The following PTPRN2 variants were observed in gnomAD, a reference collection of about 807,000 sequenced individuals.
The protein encoded by PTPRN2 is protein tyrosine phosphatase receptor type N2.
Under a neutral mutation model 118.8 loss-of-function variants are expected in PTPRN2, and 74 were observed. The ratio of observed to expected loss-of-function variants is 0.62; its 90% CI spans 0.52 to 0.76. The LOEUF (loss-of-function observed/expected upper bound fraction) is 0.76. PTPRN2 is among the 30% of genes least tolerant of loss of function. The pLI is 0.00. For missense variants in PTPRN2, 1,481 were observed against 1,394.4 expected (o/e 1.06, Z -0.99); for synonymous variants, 641 against 608.0 (o/e 1.05, Z -0.80).
chr7:157,949,360 T>A lies in PTPRN2; in HGVS notation c.1724-50623A>T, dbSNP rs571022244. 8.6e-4 allele frequency among the ~76,000 whole-genome samples: 131 copies of A among 152,374 alleles called. No homozygotes were observed. The South Asian group carries it at 0.011, about 12-fold the overall frequency. On this transcript the variant is annotated intron_variant, in intron 11 of 22. Transcript: ENST00000389418. ...CTATGTTAATTTTATCTCAATTTTT[T>A]AAAAAGACTCCCTCAATTTAGTTTT...
intron 11 of PTPRN2, among the ~76,000 whole-genome samples, chr7:158,008,947 A>G (rs1360096764): frequency 6.6e-6 from 1 of 152,186 alleles, no homozygotes; most frequent in Non-Finnish European, 1.5e-5. Context: ...AATGAGACAC[A>G]GGCTTTCTCC....
rs138549386 is a variant in PTPRN2 at position 158,519,842 on chromosome 7, A to G, written c.113-30057T>C. ...CTCCCCCATGGCATGGAAATTCTCC[A>G]TTTTCCCCACAACGCCAGCACGGTC... On this transcript the variant is annotated intron_variant, in intron 1 of 22. Transcript: ENST00000389418. 3.3e-5 allele frequency among the ~76,000 whole-genome samples: 5 copies of G among 152,210 alleles called. No individual in the cohort carries two copies. The East Asian group carries it at 9.7e-4, about 29-fold the overall frequency.
chr7:158,115,276 G>C (rs948912025), intron 9 of PTPRN2, among the ~76,000 whole-genome samples: 1 of 152,160 alleles, frequency 6.6e-6, no homozygotes, highest in Admixed American at 6.5e-5. Context: ...GTGGCCTCCA[G>C]ATTGTCTCAA....
At chr7:158,289,533 A>G (rs1314105789) in intron 3 of PTPRN2, among the ~76,000 whole-genome samples, 1 of 152,148 alleles carries the variant, frequency 6.6e-6, no homozygotes, top group African/African-American at 2.4e-5. Flanking sequence ...CTCTCTGTGG[A>G]ATTTCTAATT....
In PTPRN2 at chr7:158,076,143, T is replaced by C. The variant is rs529163571; in HGVS notation, c.1723+5155A>G. Reference sequence around the variant, plus strand: ...CTCAGCAAGTGGCTGTTTTGAACATTTCCAAAGCATCCTCCTTCATTTCTA... The same window carrying C: ...CTCAGCAAGTGGCTGTTTTGAACATCTCCAAAGCATCCTCCTTCATTTCTA... On this transcript the variant is annotated intron_variant, in intron 11 of 22. Transcript: ENST00000389418. Among the ~76,000 whole-genome samples, 681 of 152,344 alleles carry C rather than the reference T, an allele frequency of 4.5e-3. 5 individuals are homozygous for C. The highest frequency in any genetic ancestry group is 5.4e-3 in the Non-Finnish European group (369 of 68,036).
intron 11 of PTPRN2, among the ~76,000 whole-genome samples, chr7:158,011,039 TCACCTTG>T (rs1431799107): frequency 1.3e-5 from 2 of 152,220 alleles, no homozygotes; most frequent in Admixed American, 6.5e-5. Flanking sequence ...AATAGGACTG[TCACCTTG>T]CACCTTGCAC....
At chr7:158,527,271 G>A (rs757130165) in intron 1 of PTPRN2, among the ~76,000 whole-genome samples, 19 of 148,802 alleles carry the variant, frequency 1.3e-4, no homozygotes, top group South Asian at 2.1e-4. Context: ...CCCACAAGGC[G>A]CGTCCTGGGC....
chr7:157,895,169 C>T (rs1797038217), intron 12 of PTPRN2, among the ~76,000 whole-genome samples: 1 of 151,732 alleles, frequency 6.6e-6, no homozygotes, highest in Admixed American at 6.6e-5. Context: ...TGAACAAGAC[C>T]ATAAAATAAG....
intron 1 of PTPRN2, among the ~76,000 whole-genome samples, chr7:158,586,794 G>C (rs1363591416): frequency 6.6e-6 from 1 of 152,296 alleles, no homozygotes; most frequent in South Asian, 2.1e-4. Context: ...CGGGTGCAGC[G>C]GGACATCCGA....
intron 9 of PTPRN2, among the ~76,000 whole-genome samples, chr7:158,128,890 G>A (rs1458732621): frequency 2.0e-5 from 3 of 151,972 alleles, no homozygotes; most frequent in African/African-American, 4.8e-5. Flanking sequence ...ACACAACATG[G>A]GGGCCTTCAG....
At chr7:158,494,814 G>A (rs193120815) in intron 1 of PTPRN2, among the ~76,000 whole-genome samples, 2 of 152,262 alleles carry the variant, frequency 1.3e-5, no homozygotes, top group East Asian at 1.9e-4. Context: ...AAGGGGATGC[G>A]GGGGCTTCAC....
intron 11 of PTPRN2, chr7:158,028,936 G>A (rs1274675736): frequency 2.0e-5 from 3 of 152,458 alleles, no homozygotes; most frequent in African/African-American, 4.8e-5. Context: ...ACCACGGCCA[G>A]GCCAGAACCA....
intron 3 of PTPRN2, among the ~76,000 whole-genome samples, chr7:158,289,209 A>G (rs1237856540): frequency 1.3e-5 from 2 of 152,222 alleles, no homozygotes; most frequent in Non-Finnish European, 2.9e-5. Context: ...AGATATTTAT[A>G]TATTTCCCCA....
chr7:157,740,873 C>G (rs992620850), intron 12 of PTPRN2, among the ~76,000 whole-genome samples: 2 of 152,242 alleles, frequency 1.3e-5, no homozygotes, highest in Non-Finnish European at 2.9e-5. Flanking sequence ...CGCTCTCTCT[C>G]CCCGCCTTTT....
At chr7:158,139,200 C>T (rs193294055) in intron 6 of PTPRN2, among the ~76,000 whole-genome samples, 373 of 152,264 alleles carry the variant, frequency 2.4e-3, no homozygotes, top group African/African-American at 8.3e-3. Context: ...ATGATTAGAG[C>T]GAGGAGACAA....
intron 4 of PTPRN2, among the ~76,000 whole-genome samples, chr7:158,193,936 G>A (rs952226870): frequency 2.0e-5 from 3 of 149,346 alleles, no homozygotes; most frequent in Admixed American, 2.0e-4. Flanking sequence ...GGAATATAAT[G>A]TGAGGCCGGC....
At chr7:157,812,229 G>A (rs532016041) in intron 12 of PTPRN2, among the ~76,000 whole-genome samples, 25 of 152,314 alleles carry the variant, frequency 1.6e-4, no homozygotes. Flanking sequence ...GATCCGAGGG[G>A]CCGTCCTCCT....
intron 6 of PTPRN2, among the ~76,000 whole-genome samples, chr7:158,153,105 C>A (rs1355555438): frequency 1.3e-5 from 2 of 152,266 alleles, no homozygotes. Flanking sequence ...CCGACAGACA[C>A]CAGCATACCA....
intron 11 of PTPRN2, 48 bp from the exon 12 acceptor site, chr7:157,898,785 C>T (rs1797276968): frequency 1.4e-6 from 2 of 1,476,466 alleles, no homozygotes; most frequent in African/African-American, 1.4e-5. Context: ...GAGAGGTCCT[C>T]AGTCTCCGGG....
Sources: allele counts gnomAD v4.1 joint callset (sites outside exome capture counted in the v4.1 genomes callset), GRCh38; gene constraint gnomAD v4.1.1; transcripts MANE v1.5; gene names NCBI Gene and HGNC (gene_info 2026-07-23, HGNC 2026-07-21).